INO80C: variants seen among roughly 807,000 people sequenced by gnomAD.
INO80C encodes the protein INO80 complex subunit C, also known as IES6 homolog.
In INO80C, 17 loss-of-function variants were observed where a neutral mutation model predicts 17.7. The ratio of observed to expected loss-of-function variants is 0.96; its 90% CI spans 0.66 to 1.44. The LOEUF (loss-of-function observed/expected upper bound fraction) is 1.44. Among genes scored for constraint, INO80C ranks in the 40% most tolerant of loss-of-function variants. INO80C has a pLI of 0.00. For synonymous variants in INO80C, 96 were observed against 95.8 expected (o/e 1.00, Z -0.01); for missense variants, 244 against 245.0 (o/e 1.00, Z 0.03).
At chr18:35,475,140 T>A (rs915606029) in intron 4 of INO80C, among the ~76,000 whole-genome samples, 1 of 150,522 alleles carries the variant, frequency 6.6e-6, no homozygotes, top group Non-Finnish European at 1.5e-5. Context: ...CAATACCCAG[T>A]CATATTCAAA....
rs774756422 is a variant in INO80C, at chr18:35,479,400, G to A, written c.279C>T (p.His93=). The A allele has an allele frequency of 6.3e-5, 102 of 1,612,084 alleles. No homozygotes were observed. The Admixed American group carries it at 7.3e-4, about 12-fold the overall frequency. Residue 93 remains histidine (H), a synonymous_variant, in exon 3 of 5, where the codon CAC becomes CAT. Transcript: ENST00000334598. ...FKDPNFVHSG[H]GGAVAGKKNR... is the part of the protein sequence containing the mutation. ...TCTTCTTGCCAGCTACTGCGCCACC[G>A]TGGCCAGAGTGCTTGAATTGAAGGC...
chr18:35,469,693 A>C (rs2045646145), intron 4 of INO80C, among the ~76,000 whole-genome samples: 1 of 152,198 alleles, frequency 6.6e-6, no homozygotes, highest in Non-Finnish European at 1.5e-5. Context: ...CTGTTGCTTT[A>C]AAGTTTATTA....
intron 1 of INO80C, among the ~76,000 whole-genome samples, chr18:35,483,173 T>C (rs374203310): frequency 2.0e-5 from 3 of 152,232 alleles, no homozygotes; most frequent in Non-Finnish European, 4.4e-5. Context: ...AAAGGTTAGA[T>C]TTAGTTTTTT....
chr18:35,468,397 A>C lies in INO80C; in HGVS notation c.*214T>G, dbSNP rs552151244. On this transcript the variant is annotated 3_prime_UTR_variant, in exon 5 of 5. Transcript: ENST00000334598. ...CACCTTTACTTGAGGCAACAACTGA[A>C]GTATAATTTAATTCAGCAGGAAATA... is the stretch of plus-strand genomic sequence containing the variant. 112 of 1,387,690 alleles carry C rather than the reference A, an allele frequency of 8.1e-5. 1 individual carries two copies. The South Asian group carries it at 1.8e-3, about 23-fold the overall frequency. The allele number at this position is 1,387,690 out of a possible 1,614,324, so 86.0% of individuals were successfully genotyped here. A position where few individuals can be genotyped will look rare whatever the true frequency, so the allele number is the denominator to read the frequency against.
At position 35,492,957 on chromosome 18, in the gene INO80C, T is replaced by C. The variant is rs546858868; in HGVS notation, c.156+4762A>G. ...TTTCTCTGTACCATGAATTTGGTTA[T>C]ACCAGAGATCTAATTAATAATCTTC... On this transcript the variant is annotated intron_variant, in intron 1 of 4. Transcript: ENST00000334598. 5.3e-5 allele frequency among the ~76,000 whole-genome samples: 8 copies of C among 152,368 alleles called. No homozygotes were observed. The South Asian group carries it at 1.7e-3, about 32-fold the overall frequency.
In INO80C at chr18:35,497,602, C is replaced by A. The variant is rs561007243; in HGVS notation, c.156+117G>T. 4.8e-6 allele frequency: 7 copies of A among 1,453,612 alleles called. No individual in the cohort carries two copies. The East Asian group carries it at 1.0e-4, about 22-fold the overall frequency. 90.0% of individuals were successfully genotyped at this position (1,453,612 alleles called of 1,614,324 possible). ...CACTCCGCGGGGCAGCGTCTTTCAACCCCAACGGAGACCGCACGCGCAGCG... is the reference window on the plus strand; with the variant it reads ...CACTCCGCGGGGCAGCGTCTTTCAAACCCAACGGAGACCGCACGCGCAGCG... On this transcript the variant is annotated intron_variant, in intron 1 of 4. Coordinates refer to ENST00000334598, the MANE Select transcript of INO80C (RefSeq NM_194281.4).
intron 1 of INO80C, 80 bp downstream of exon 1, chr18:35,497,639 G>T (rs1190799020): frequency 3.3e-6 from 5 of 1,515,960 alleles, no homozygotes; most frequent in Non-Finnish European, 4.4e-6. Flanking sequence ...CCCACATTAC[G>T]CACGCGCCCT....
Position 35,497,809 on chromosome 18 carries a change from C to T in INO80C, c.66G>A (p.Lys22=), listed in dbSNP as rs760679176. The change falls in exon 1 of 5, where the codon AAG becomes AAA. Residue 22 remains lysine (K), a synonymous_variant. Transcript: ENST00000334598. ...CATTGTGGGAAGGGCTGGCCGGCCTCTTCTTGCTGTTCCGGACTATTCCGG... is the reference window on the plus strand; with the variant it reads ...CATTGTGGGAAGGGCTGGCCGGCCTTTTCTTGCTGTTCCGGACTATTCCGG... ...STPGIVRNSK[K]RPASPSHNGS... is the part of the protein sequence containing the mutation. 17 of 1,612,788 alleles carry T rather than the reference C, an allele frequency of 1.1e-5. No individual in the cohort carries two copies. The highest frequency in any genetic ancestry group is 6.6e-5 in the South Asian group (6 of 91,044).
intron 1 of INO80C, 87 bp from the exon 2 acceptor site, chr18:35,480,650 G>A (rs1039131423): frequency 9.9e-7 from 1 of 1,008,354 alleles, no homozygotes; most frequent in Non-Finnish European, 1.6e-6. Flanking sequence ...ATACGATGAT[G>A]CCACAGGGCA....
intron 1 of INO80C, among the ~76,000 whole-genome samples, chr18:35,488,221 T>C (rs2045896910): frequency 1.3e-5 from 2 of 152,224 alleles, no homozygotes; most frequent in Admixed American, 1.3e-4. Flanking sequence ...ACAGCTCCGC[T>C]AGGCAGTTTC....
intron 4 of INO80C, among the ~76,000 whole-genome samples, chr18:35,469,852 A>G (rs1212994933): frequency 3.3e-5 from 5 of 152,242 alleles, no homozygotes; most frequent in African/African-American, 1.2e-4. Flanking sequence ...TGAATGACTA[A>G]TGAATGAATA....
chr18:35,478,268 A>G lies in INO80C; in HGVS notation c.447+14T>C. The stretch of plus-strand genomic sequence containing the variant: ...TTTTCCATTTAATGTTATAAGAGAT[A>G]TAATCATACTCACAAGCAGACCTGA... On this transcript the variant is annotated intron_variant, in intron 4 of 4. Transcript: ENST00000334598. 6.4e-7 allele frequency: 1 copy of G among 1,551,862 alleles called. No homozygotes were observed. The highest frequency in any genetic ancestry group is 1.7e-4 in the Middle Eastern group (1 of 5,798).
intron 4 of INO80C, among the ~76,000 whole-genome samples, chr18:35,472,417 G>A (rs2045681704): frequency 6.6e-6 from 1 of 152,140 alleles, no homozygotes; most frequent in African/African-American, 2.4e-5. Flanking sequence ...AGAAGTGTCT[G>A]TTCATATCCT....
chr18:35,486,440 G>T (rs1240203305), intron 1 of INO80C, among the ~76,000 whole-genome samples: 1 of 152,184 alleles, frequency 6.6e-6, no homozygotes, highest in Non-Finnish European at 1.5e-5. Flanking sequence ...AGGATATTGT[G>T]AGGGTTGCAC....
In INO80C at chr18:35,495,824, A is replaced by AT. The variant is rs562991904; in HGVS notation, c.156+1894dup. 7.2e-3 allele frequency among the ~76,000 whole-genome samples: 1,092 copies of AT among 151,920 alleles called. 12 individuals are homozygous for AT. The highest frequency in any genetic ancestry group is 0.025 in the African/African-American group (1,028 of 41,432). Reference sequence around the variant, plus strand: ...TAATGAACTTCTACACATCAATATAATTTTTTTTTAAAAGCCAATTAGAAA... The same window carrying AT: ...TAATGAACTTCTACACATCAATATAATTTTTTTTTTAAAAGCCAATTAGAAA... On this transcript the variant is annotated intron_variant, in intron 1 of 4. Coordinates refer to ENST00000334598, the MANE Select transcript of INO80C (RefSeq NM_194281.4).
chr18:35,496,542 C>A (rs1278533388), intron 1 of INO80C, among the ~76,000 whole-genome samples: 2 of 152,158 alleles, frequency 1.3e-5, no homozygotes, highest in African/African-American at 4.8e-5. Flanking sequence ...TGTAAAAGGG[C>A]ACTGGATCTG....
chr18:35,497,703 G>A lies in INO80C; in HGVS notation c.156+16C>T, dbSNP rs766970220. ...TTCGCGACGCGCACGCGCAGCCTGG[G>A]AGCGCGACTGCGTACCTGCGCAAAG... On this transcript the variant is annotated intron_variant, in intron 1 of 4. Transcript: ENST00000334598. The A allele has an allele frequency of 3.7e-6, 6 of 1,608,514 alleles. No homozygotes were observed. Among genetic ancestry groups the A allele is most frequent in the Non-Finnish European group, 4.2e-6 (5 of 1,177,882 alleles).
At chr18:35,477,907 C>G (rs2045756157) in intron 4 of INO80C, among the ~76,000 whole-genome samples, 1 of 152,218 alleles carries the variant, frequency 6.6e-6, no homozygotes, top group Admixed American at 6.5e-5. Context: ...ATGTCACAAC[C>G]TTTGCCAAAG....
At chr18:35,469,983 C>T (rs2045650075) in intron 4 of INO80C, among the ~76,000 whole-genome samples, 1 of 152,184 alleles carries the variant, frequency 6.6e-6, no homozygotes, top group Non-Finnish European at 1.5e-5. Flanking sequence ...TAACTATATA[C>T]CTCAAAGCAC....
Sources: gnomAD v4.1 joint callset for allele counts (sites outside exome capture counted in the v4.1 genomes callset) on GRCh38, gnomAD v4.1.1 for gene constraint, MANE v1.5 for transcripts, NCBI Gene and HGNC (gene_info 2026-07-23, HGNC 2026-07-21) for gene names.